The following MDGA2 variants were observed in gnomAD, a reference collection of about 807,000 sequenced individuals.
MDGA2 encodes the protein MAM domain containing glycosylphosphatidylinositol anchor 2.
Under a neutral mutation model 117.8 loss-of-function variants are expected in MDGA2, and 40 were observed. That is an observed-to-expected ratio of 0.34 (90% CI 0.26 to 0.44). The LOEUF (loss-of-function observed/expected upper bound fraction) is 0.44, where lower values mean the gene tolerates loss of function less well. MDGA2 is among the 20% of genes least tolerant of loss of function. The pLI is 1.00. For synonymous variants in MDGA2, 452 were observed against 439.0 expected (o/e 1.03, Z -0.37); for missense variants, 1,123 against 1,250.6 (o/e 0.90, Z 1.54).
intron 8 of MDGA2, among the ~76,000 whole-genome samples, chr14:46,965,078 C>T (rs1355657748): frequency 7.1e-6 from 1 of 140,968 alleles, no homozygotes; most frequent in Non-Finnish European, 1.5e-5. Flanking sequence ...CGCCCGCCAC[C>T]ACGCCCGGCT....
intron 9 of MDGA2, among the ~76,000 whole-genome samples, chr14:46,935,142 G>A (rs573142735): frequency 1.3e-5 from 2 of 152,192 alleles, no homozygotes; most frequent in Admixed American, 1.3e-4. Context: ...ATATTATCAG[G>A]AGTGCAGAAG....
At chr14:47,295,415 A>C (rs1452575042) in intron 2 of MDGA2, among the ~76,000 whole-genome samples, 6 of 152,196 alleles carry the variant, frequency 3.9e-5, no homozygotes, top group Non-Finnish European at 1.5e-5. Context: ...ACTTCCTTTT[A>C]AAAACCGGTC....
intron 1 of MDGA2, among the ~76,000 whole-genome samples, chr14:47,320,762 T>C (rs1459974720): frequency 6.6e-6 from 1 of 152,172 alleles, no homozygotes; most frequent in Non-Finnish European, 1.5e-5. Context: ...TGAAGGATGG[T>C]TATAAAATCT....
chr14:47,539,799 A>C (rs953651477), intron 1 of MDGA2, among the ~76,000 whole-genome samples: 1 of 152,214 alleles, frequency 6.6e-6, no homozygotes, highest in Non-Finnish European at 1.5e-5. Context: ...TTCATACCAC[A>C]GTCAGTGAAA....
At chr14:47,298,467 CT>C in intron 2 of MDGA2, among the ~76,000 whole-genome samples, 1 of 152,188 alleles carries the variant, frequency 6.6e-6, no homozygotes, top group South Asian at 2.1e-4. Flanking sequence ...AATGAGGAAC[CT>C]CTCTCTTCCA....
chr14:47,031,225 TATATAC>T (rs1372976305), intron 8 of MDGA2, among the ~76,000 whole-genome samples: 2 of 138,628 alleles, frequency 1.4e-5, no homozygotes, highest in East Asian at 4.1e-4. Flanking sequence ...TATATATATA[TATATAC>T]ACACACACAC....
At chr14:46,925,747 G>A (rs1011022976) in intron 9 of MDGA2, among the ~76,000 whole-genome samples, 1 of 150,976 alleles carries the variant, frequency 6.6e-6, no homozygotes, top group Non-Finnish European at 1.5e-5. Flanking sequence ...AAGAATAATT[G>A]ATACTGTCTA....
At chr14:46,948,996 G>A (rs1223745534) in intron 9 of MDGA2, among the ~76,000 whole-genome samples, 1 of 152,002 alleles carries the variant, frequency 6.6e-6, no homozygotes, top group Non-Finnish European at 1.5e-5. Flanking sequence ...TTACCTATGG[G>A]TATATCTGGA....
At chr14:47,573,629 T>C (rs991552291) in intron 1 of MDGA2, among the ~76,000 whole-genome samples, 3 of 152,148 alleles carry the variant, frequency 2.0e-5, no homozygotes, top group Non-Finnish European at 2.9e-5. Context: ...TAATTAGAGG[T>C]TGTAAAGCCT....
chr14:47,413,392 G>A (rs1033109762), intron 1 of MDGA2, among the ~76,000 whole-genome samples: 1 of 152,126 alleles, frequency 6.6e-6, no homozygotes, highest in Non-Finnish European at 1.5e-5. Context: ...CTAAAAATGG[G>A]TCTCTGTTTT....
At chr14:47,342,282 A>ATATATATATATATATATATATATAT (rs1566746810) in intron 1 of MDGA2, among the ~76,000 whole-genome samples, 3 of 138,676 alleles carry the variant, frequency 2.2e-5, no homozygotes, top group Non-Finnish European at 4.7e-5. Flanking sequence ...ATATATATAT[A>ATATATATATATATATATATATATAT]AAATATGTTA....
intron 1 of MDGA2, among the ~76,000 whole-genome samples, chr14:47,352,280 T>G (rs1239929977): frequency 6.6e-6 from 1 of 152,188 alleles, no homozygotes; most frequent in African/African-American, 2.4e-5. Context: ...TAATTCTTCA[T>G]GAAAACACAC....
At chr14:47,389,610 A>ACC (rs1566765599) in intron 1 of MDGA2, among the ~76,000 whole-genome samples, 3 of 97,838 alleles carry the variant, frequency 3.1e-5, no homozygotes, top group African/African-American at 1.1e-4. Context: ...ACACACCCAC[A>ACC]CACACACACA....
rs1566660478 is a variant in MDGA2 at position 47,167,018 on chromosome 14, AGAAAATTGG to A, written c.596-22753_596-22745del. Among the ~76,000 whole-genome samples, 3 of 152,302 alleles carry A rather than the reference AGAAAATTGG, an allele frequency of 2.0e-5. No homozygotes were observed. In the South Asian group the frequency reaches 6.2e-4, roughly 32 times the overall value. On this transcript the variant is annotated intron_variant, in intron 3 of 16. Coordinates refer to ENST00000399232, the MANE Select transcript of MDGA2 (RefSeq NM_001113498.3). ...CATCTCTGGTCTGGGCTTAGCACTCAGAAAATTGGGAAAAATTAACAATACTCTCAAATG... is the reference window on the plus strand; with the variant it reads ...CATCTCTGGTCTGGGCTTAGCACTCAGAAAAATTAACAATACTCTCAAATG...
At chr14:47,209,628 A>T (rs1419176530) in intron 3 of MDGA2, among the ~76,000 whole-genome samples, 1 of 152,216 alleles carries the variant, frequency 6.6e-6, no homozygotes, top group African/African-American at 2.4e-5. Context: ...GTAAACAGGT[A>T]TGTAATAGGA....
chr14:47,648,731 C>A (rs1476935435), intron 1 of MDGA2, among the ~76,000 whole-genome samples: 3 of 151,336 alleles, frequency 2.0e-5, no homozygotes, highest in African/African-American at 7.2e-5. Flanking sequence ...ATGTTCTCTG[C>A]AGAATACATT....
intron 1 of MDGA2, among the ~76,000 whole-genome samples, chr14:47,402,652 G>GT (rs1041948667): frequency 2.0e-5 from 3 of 151,968 alleles, no homozygotes; most frequent in Non-Finnish European, 4.4e-5. Context: ...TTAAAAATGT[G>GT]TTTTTTTAAA....
chr14:47,196,782 A>T (rs1336049221), intron 3 of MDGA2, among the ~76,000 whole-genome samples: 1 of 152,158 alleles, frequency 6.6e-6, no homozygotes, highest in South Asian at 2.1e-4. Flanking sequence ...TGAGCATAAT[A>T]CCTAATAGGT....
At chr14:47,350,015 C>A (rs1162698987) in intron 1 of MDGA2, among the ~76,000 whole-genome samples, 2 of 152,180 alleles carry the variant, frequency 1.3e-5, no homozygotes, top group African/African-American at 4.8e-5. Context: ...GGAAATAGGA[C>A]GGGGACCTTA....
Sources: gnomAD v4.1 joint callset for allele counts (sites outside exome capture counted in the v4.1 genomes callset) on GRCh38, gnomAD v4.1.1 for gene constraint, MANE v1.5 for transcripts, NCBI Gene and HGNC (gene_info 2026-07-23, HGNC 2026-07-21) for gene names.